Variants in FAM13A observed in about 807,000 individuals in gnomAD.
FAM13A encodes the protein family with sequence similarity 13 member A.
Under a neutral mutation model 129.6 loss-of-function variants are expected in FAM13A, and 76 were observed. The ratio of observed to expected loss-of-function variants is 0.59; its 90% CI spans 0.49 to 0.71. The LOEUF is 0.71. Among genes scored for constraint, FAM13A ranks in the 30% least tolerant of loss-of-function variants. The pLI is 0.00. For synonymous variants in FAM13A, 443 were observed against 449.9 expected (o/e 0.98, Z 0.20); for missense variants, 1,108 against 1,249.3 (o/e 0.89, Z 1.70).
At chr4:88,794,376 CTTTAT>C (rs566501443) in intron 8 of FAM13A, among the ~76,000 whole-genome samples, 251 of 151,896 alleles carry the variant, frequency 1.7e-3, no homozygotes, top group Middle Eastern at 6.8e-3. Context: ...TATCTTTAGT[CTTTAT>C]TTTTACTAGC....
At chr4:88,743,971 C>A (rs371024727) in intron 19 of FAM13A, among the ~76,000 whole-genome samples, 1 of 152,132 alleles carries the variant, frequency 6.6e-6, no homozygotes, top group African/African-American at 2.4e-5. Context: ...ATTCTTATAA[C>A]TGTTGCATTC....
At chr4:89,027,635 A>G (rs967693458) in intron 2 of FAM13A, among the ~76,000 whole-genome samples, 10 of 152,122 alleles carry the variant, frequency 6.6e-5, no homozygotes, top group Non-Finnish European at 1.5e-4. Context: ...CTTTTCAATT[A>G]AAAGAAGCAC....
At chr4:88,912,284 G>A (rs1048254400) in intron 5 of FAM13A, among the ~76,000 whole-genome samples, 3 of 135,676 alleles carry the variant, frequency 2.2e-5, no homozygotes, top group African/African-American at 8.3e-5. Flanking sequence ...GACATATAGA[G>A]AACAAAAAGG....
chr4:88,731,677 C>CT (rs1737829684), intron 22 of FAM13A: 2 of 528,100 alleles, frequency 3.8e-6, no homozygotes, highest in East Asian at 3.1e-5. Flanking sequence ...TCCCATGGCA[C>CT]TTTGTCATAT....
In FAM13A at chr4:88,750,742, C is replaced by G. The variant is rs1283838378; in HGVS notation, c.1727-105G>C. The G allele has an allele frequency of 5.1e-6, 4 of 783,610 alleles. No homozygotes were observed. In the South Asian group the frequency reaches 5.2e-5, roughly 10 times the overall value. The allele number at this position is 783,610 out of a possible 1,614,324, so 48.5% of individuals were successfully genotyped here. ...GCTTCCCAGATGCTTTAGGAAGCTG[C>G]CCATTGAATCGTTTCTCATTTTACA... On this transcript the variant is annotated intron_variant, in intron 14 of 23. Coordinates refer to ENST00000264344, the MANE Select transcript of FAM13A (RefSeq NM_014883.4).
chr4:88,831,588 C>G (rs181988627), intron 7 of FAM13A, among the ~76,000 whole-genome samples: 1 of 151,880 alleles, frequency 6.6e-6, no homozygotes, highest in Non-Finnish European at 1.5e-5. Flanking sequence ...TTTGAATTGA[C>G]CCTGTAAATA....
At chr4:88,879,095 A>G (rs1743099270) in intron 6 of FAM13A, among the ~76,000 whole-genome samples, 1 of 152,238 alleles carries the variant, frequency 6.6e-6, no homozygotes, top group African/African-American at 2.4e-5. Flanking sequence ...TATAAAACAC[A>G]TCTAATATTG....
chr4:88,830,606 C>A (rs1248560672), intron 7 of FAM13A, among the ~76,000 whole-genome samples: 2 of 152,076 alleles, frequency 1.3e-5, no homozygotes, highest in Non-Finnish European at 2.9e-5. Flanking sequence ...TCCAAAGATG[C>A]CCCTCTTTAA....
intron 6 of FAM13A, among the ~76,000 whole-genome samples, chr4:88,885,963 G>T (rs1744332866): frequency 6.6e-6 from 1 of 151,090 alleles, no homozygotes; most frequent in African/African-American, 2.4e-5. Context: ...ACCACAACGT[G>T]ATACCACCTT....
chr4:89,013,180 C>T (rs553926112), intron 3 of FAM13A, among the ~76,000 whole-genome samples: 2 of 149,140 alleles, frequency 1.3e-5, no homozygotes, highest in Non-Finnish European at 2.9e-5. Context: ...GTACCTCACA[C>T]AGGATAAACC....
chr4:88,970,279 A>C (rs1299277243), intron 4 of FAM13A, among the ~76,000 whole-genome samples: 4 of 152,176 alleles, frequency 2.6e-5, no homozygotes. Context: ...ATATAATATA[A>C]TTACGGTTGC....
intron 4 of FAM13A, among the ~76,000 whole-genome samples, chr4:88,981,867 T>A (rs1353262851): frequency 6.6e-6 from 1 of 152,232 alleles, no homozygotes; most frequent in Non-Finnish European, 1.5e-5. Flanking sequence ...TCTTCCTGAC[T>A]CTTATTTAAC....
intron 3 of FAM13A, among the ~76,000 whole-genome samples, chr4:88,997,470 T>C (rs191884063): frequency 3.3e-5 from 5 of 152,218 alleles, no homozygotes; most frequent in African/African-American, 1.2e-4. Flanking sequence ...ACAAATCTAC[T>C]CAGCACTCGA....
At chr4:88,748,022 T>C (rs1314719816) in intron 17 of FAM13A, among the ~76,000 whole-genome samples, 171 bp from the exon 18 acceptor site, 1 of 152,204 alleles carries the variant, frequency 6.6e-6, no homozygotes, top group Non-Finnish European at 1.5e-5. Context: ...CCTGAGTAGC[T>C]GGGACTACAG....
intron 19 of FAM13A, among the ~76,000 whole-genome samples, chr4:88,745,851 A>AT (rs201087138): frequency 0.019 from 2,702 of 142,488 alleles, 54 homozygotes; most frequent in East Asian, 0.11. Context: ...CAGTGCCAGC[A>AT]TTTTTTTTTT....
At chr4:88,797,191 CTTCA>C (rs1178454943) in intron 8 of FAM13A, among the ~76,000 whole-genome samples, 4 of 151,450 alleles carry the variant, frequency 2.6e-5, no homozygotes, top group African/African-American at 9.7e-5. Flanking sequence ...AAATATGTTT[CTTCA>C]TTCAAATTAT....
At chr4:88,848,996 G>C (rs1737123226) in intron 7 of FAM13A, among the ~76,000 whole-genome samples, 1 of 152,012 alleles carries the variant, frequency 6.6e-6, no homozygotes, top group South Asian at 2.1e-4. Context: ...CTATTTCCCT[G>C]CCTGATAAAC....
chr4:88,990,911 C>G (rs1398217272), intron 4 of FAM13A, 62 bp downstream of exon 4: 2 of 1,269,472 alleles, frequency 1.6e-6, no homozygotes, highest in Non-Finnish European at 2.3e-6. Flanking sequence ...CCAGTAATTT[C>G]AGACAGTAGT....
intron 4 of FAM13A, among the ~76,000 whole-genome samples, chr4:88,955,895 A>C (rs191972378): frequency 6.6e-6 from 1 of 152,180 alleles, no homozygotes; most frequent in South Asian, 2.1e-4. Flanking sequence ...ATGCAATAGA[A>C]AAGAAAAACC....
Sources: gnomAD v4.1 joint callset for allele counts (sites outside exome capture counted in the v4.1 genomes callset) on GRCh38, gnomAD v4.1.1 for gene constraint, MANE v1.5 for transcripts, NCBI Gene and HGNC (gene_info 2026-07-23, HGNC 2026-07-21) for gene names.